Variants in SH3RF1 observed in about 807,000 individuals in gnomAD.
The protein encoded by SH3RF1 is SH3 domain containing ring finger 1.
A neutral mutation model predicts 74.0 loss-of-function variants in SH3RF1; 32 were observed. The observed-to-expected ratio is 0.43, with a 90% CI of 0.33 to 0.58. The LOEUF (loss-of-function observed/expected upper bound fraction) is 0.58. Ranked by LOEUF, SH3RF1 falls within the 20% of genes least tolerant of loss-of-function variation. SH3RF1 has a pLI of 0.05. For synonymous variants in SH3RF1, 396 were observed against 439.6 expected (o/e 0.90, Z 1.24); for missense variants, 954 against 1,130.9 (o/e 0.84, Z 2.24).
chr4:169,262,812 C>T (rs1731300512), intron 2 of SH3RF1, among the ~76,000 whole-genome samples: 1 of 152,102 alleles, frequency 6.6e-6, no homozygotes, highest in African/African-American at 2.4e-5. Context: ...GCACCACAGA[C>T]CCCCTTTCCC....
At chr4:169,206,544 A>G (rs964032384) in intron 2 of SH3RF1, among the ~76,000 whole-genome samples, 3 of 152,222 alleles carry the variant, frequency 2.0e-5, no homozygotes, top group Non-Finnish European at 2.9e-5. Flanking sequence ...AAACAAAAAA[A>G]GTCCATCAAG....
rs145292880 is a variant in SH3RF1 at position 169,188,913 on chromosome 4, T to C, written c.394-32234A>G. On this transcript the variant is annotated intron_variant, in intron 2 of 11. Transcript: ENST00000284637. Reference sequence around the variant, plus strand: ...AGAAAATAGTTTATCAATGTACCACTTGTAACTGACTTTTTCAATGGAATT... The same window carrying C: ...AGAAAATAGTTTATCAATGTACCACCTGTAACTGACTTTTTCAATGGAATT... 3.2e-3 allele frequency among the ~76,000 whole-genome samples: 495 copies of C among 152,358 alleles called. 1 individual carries two copies. Among genetic ancestry groups the C allele is most frequent in the African/African-American group, 0.011 (477 of 41,580 alleles).
At chr4:169,116,126 G>C (rs1554004075) in intron 10 of SH3RF1, 143 bp downstream of exon 10, 3 of 1,169,682 alleles carry the variant, frequency 2.6e-6, no homozygotes, top group Non-Finnish European at 2.4e-6. Context: ...CCTAGCACCT[G>C]GCATAGTGAC....
At chr4:169,121,207 T>A (rs1733431349) in intron 7 of SH3RF1, among the ~76,000 whole-genome samples, 1 of 152,244 alleles carries the variant, frequency 6.6e-6, no homozygotes, top group Non-Finnish European at 1.5e-5. Flanking sequence ...TAAGAACCTG[T>A]TCCTCCCAGT....
intron 4 of SH3RF1, among the ~76,000 whole-genome samples, chr4:169,144,201 T>G (rs992299525): frequency 2.6e-5 from 4 of 152,232 alleles, no homozygotes; most frequent in Non-Finnish European, 5.9e-5. Context: ...TTCTTACTAT[T>G]CAGAGTCCCA....
At chr4:169,236,335 G>C (rs1041468998) in intron 2 of SH3RF1, among the ~76,000 whole-genome samples, 1 of 152,184 alleles carries the variant, frequency 6.6e-6, no homozygotes, top group African/African-American at 2.4e-5. Context: ...TGCTGAGATG[G>C]AGCCTTTGTC....
intron 11 of SH3RF1, among the ~76,000 whole-genome samples, chr4:169,097,877 C>G (rs1486525620): frequency 1.3e-5 from 2 of 152,216 alleles, no homozygotes. Context: ...CTCAGGAAAA[C>G]TGGCTGCCAT....
chr4:169,255,530 T>C (rs1343530308), intron 2 of SH3RF1, among the ~76,000 whole-genome samples: 1 of 150,402 alleles, frequency 6.6e-6, no homozygotes, highest in Non-Finnish European at 1.5e-5. Flanking sequence ...GTGGGCAAGG[T>C]TGGGGAAGGG....
chr4:169,248,774 A>G (rs1731049561), intron 2 of SH3RF1, among the ~76,000 whole-genome samples: 2 of 152,218 alleles, frequency 1.3e-5, no homozygotes, highest in Admixed American at 1.3e-4. Flanking sequence ...TCAGACACAG[A>G]CAACAAAGGC....
At chr4:169,161,634 G>A (rs186491244) in intron 2 of SH3RF1, among the ~76,000 whole-genome samples, 3 of 152,228 alleles carry the variant, frequency 2.0e-5, no homozygotes, top group Admixed American at 1.3e-4. Flanking sequence ...ATTTCTTACT[G>A]CTCCATAAAG....
chr4:169,121,460 C>G (rs1347889500), intron 7 of SH3RF1, among the ~76,000 whole-genome samples: 1 of 152,158 alleles, frequency 6.6e-6, no homozygotes. Context: ...GCTACACCTG[C>G]TTTTTATGCT....
chr4:169,203,762 A>G (rs1734949196), intron 2 of SH3RF1, among the ~76,000 whole-genome samples: 1 of 152,182 alleles, frequency 6.6e-6, no homozygotes, highest in South Asian at 2.1e-4. Context: ...TAATCTCCGT[A>G]GTTTTCTTAT....
chr4:169,159,798 ATTACATT>A (rs1250568033), intron 2 of SH3RF1, among the ~76,000 whole-genome samples: 1 of 152,212 alleles, frequency 6.6e-6, no homozygotes, highest in Admixed American at 6.5e-5. Context: ...TCACATAGCA[ATTACATT>A]TTTAATACAT....
intron 2 of SH3RF1, among the ~76,000 whole-genome samples, chr4:169,175,245 T>G (rs2126975529): frequency 6.6e-6 from 1 of 152,358 alleles, no homozygotes; most frequent in South Asian, 2.1e-4. Flanking sequence ...CCATCTGTAT[T>G]GCCACTATTA....
Position 169,096,418 on chromosome 4 carries a change from T to C in SH3RF1, c.*101A>G. The C allele has an allele frequency of 1.5e-6, 2 of 1,304,666 alleles. No homozygotes were observed. The highest frequency in any genetic ancestry group is 2.8e-5 in the South Asian group (2 of 72,248). 80.8% of individuals were successfully genotyped at this position (1,304,666 alleles called of 1,614,324 possible). On this transcript the variant is annotated 3_prime_UTR_variant, in exon 12 of 12. Transcript: ENST00000284637. The stretch of plus-strand genomic sequence containing the variant: ...GTCACATACCAATCCTTTGCTCATC[T>C]CCTGACCATCTGGAAGTCCACAAAT...
chr4:169,177,270 T>C (rs1734436212), intron 2 of SH3RF1, among the ~76,000 whole-genome samples: 1 of 152,228 alleles, frequency 6.6e-6, no homozygotes, highest in African/African-American at 2.4e-5. Flanking sequence ...TTTGCTTATC[T>C]TTCTGCCCTT....
chr4:169,117,889 T>TA (rs1027285924), intron 8 of SH3RF1, 107 bp from the exon 9 acceptor site: 2 of 1,303,786 alleles, frequency 1.5e-6, no homozygotes, highest in South Asian at 1.6e-5. Flanking sequence ...TAGAACATTT[T>TA]AAAAAATGAA....
intron 2 of SH3RF1, 75 bp from the exon 3 acceptor site, chr4:169,156,754 TC>T: frequency 1.4e-6 from 2 of 1,412,068 alleles, no homozygotes; most frequent in Non-Finnish European, 1.9e-6. Context: ...AACTGCGTTG[TC>T]ATTGTTTTAA....
intron 9 of SH3RF1, among the ~76,000 whole-genome samples, 186 bp from the exon 10 acceptor site, chr4:169,116,816 T>C (rs1429722629): frequency 2.0e-5 from 3 of 152,180 alleles, no homozygotes; most frequent in Admixed American, 6.5e-5. Flanking sequence ...ACACTATCTA[T>C]TGTCCTTCCA....
Sources: allele counts gnomAD v4.1 joint callset (sites outside exome capture counted in the v4.1 genomes callset), GRCh38; gene constraint gnomAD v4.1.1; transcripts MANE v1.5; gene names NCBI Gene and HGNC (gene_info 2026-07-23, HGNC 2026-07-21).